The following MED13L variants were observed in gnomAD, a reference collection of about 807,000 sequenced individuals.
MED13L encodes the protein mediator of RNA polymerase II transcription subunit 13-like.
MED13L carries 7 observed loss-of-function variants against 220.9 expected under a neutral mutation model. That is an observed-to-expected ratio of 0.03 (90% confidence interval 0.02 to 0.06). MED13L has a LOEUF of 0.06. MED13L is among the 10% of genes least tolerant of loss of function. MED13L has a pLI of 1.00. For missense variants in MED13L, 1,965 were observed against 2,760.5 expected, an observed-to-expected ratio of 0.71 and a Z score of 6.46; for synonymous variants, 1,011 against 1,015.2, an observed-to-expected ratio of 1.00 and a Z score of 0.08.
intron 2 of MED13L, among the ~76,000 whole-genome samples, chr12:116,199,470 C>G (rs1419143912): frequency 6.6e-6 from 1 of 152,152 alleles, no homozygotes; most frequent in African/African-American, 2.4e-5. Flanking sequence ...TTTAGGAATA[C>G]TAAATTGTGT....
intron 17 of MED13L, among the ~76,000 whole-genome samples, chr12:115,989,293 T>C (rs1445191877): frequency 6.6e-6 from 1 of 152,156 alleles, no homozygotes; most frequent in Non-Finnish European, 1.5e-5. Context: ...GTTTAATCCT[T>C]ATCTTAAAAT....
chr12:116,079,609 G>A lies in MED13L; in HGVS notation c.479+17060C>T, dbSNP rs543654641. On this transcript the variant is annotated intron_variant, in intron 4 of 30. Transcript: ENST00000281928. ...GCTGGAGTACAGTGGCGTGATCACC[G>A]CTCATTGCAGCCTTGACCTCGTGGG... 1.5e-3 allele frequency among the ~76,000 whole-genome samples: 222 copies of A among 152,072 alleles called. 1 individual carries two copies. The highest frequency in any genetic ancestry group is 0.01 in the Middle Eastern group (3 of 294).
intron 2 of MED13L, among the ~76,000 whole-genome samples, chr12:116,212,756 C>T (rs1027516399): frequency 3.3e-5 from 5 of 152,102 alleles, no homozygotes; most frequent in Non-Finnish European, 7.4e-5. Context: ...TATAAAACAA[C>T]AGGCTTAAAA....
At chr12:116,119,824 A>T (rs1302190239) in intron 2 of MED13L, among the ~76,000 whole-genome samples, 49 of 110,556 alleles carry the variant, frequency 4.4e-4, no homozygotes, top group East Asian at 4.1e-3. Flanking sequence ...AAAAAAAAAA[A>T]AAAAAAAAAA....
intron 4 of MED13L, among the ~76,000 whole-genome samples, chr12:116,079,645 C>G (rs577146821): frequency 1.3e-5 from 2 of 152,062 alleles, no homozygotes; most frequent in African/African-American, 4.8e-5. Flanking sequence ...CTCAAGCGAT[C>G]CTCCTGCCTC....
At chr12:116,005,297 C>T (rs1878982201) in intron 13 of MED13L, among the ~76,000 whole-genome samples, 1 of 152,184 alleles carries the variant, frequency 6.6e-6, no homozygotes, top group Non-Finnish European at 1.5e-5. Flanking sequence ...TTTCCTGACT[C>T]TTAGTTCTGC....
At chr12:116,180,844 G>GT (rs1271986189) in intron 2 of MED13L, among the ~76,000 whole-genome samples, 6 of 151,854 alleles carry the variant, frequency 4.0e-5, no homozygotes. Flanking sequence ...AGTCAAAGTT[G>GT]TAACAGTTCT....
chr12:116,258,315 C>CA (rs1872221884), intron 1 of MED13L, among the ~76,000 whole-genome samples: 2 of 152,148 alleles, frequency 1.3e-5, no homozygotes, highest in Admixed American at 1.3e-4. Context: ...GACTCTACCT[C>CA]AAAAGGATCT....
chr12:116,083,860 G>C (rs1183792073), intron 4 of MED13L, among the ~76,000 whole-genome samples: 1 of 152,142 alleles, frequency 6.6e-6, no homozygotes, highest in Non-Finnish European at 1.5e-5. Context: ...CGTGTTCAAA[G>C]GAGTTACTCC....
At chr12:116,156,173 T>G (rs1314761102) in intron 2 of MED13L, among the ~76,000 whole-genome samples, 7 of 151,984 alleles carry the variant, frequency 4.6e-5, no homozygotes, top group Non-Finnish European at 1.0e-4. Flanking sequence ...TAGCAATATG[T>G]TAAGGTTCAA....
intron 4 of MED13L, among the ~76,000 whole-genome samples, chr12:116,031,720 GAAAAGAAAAGAAAAGAAAAGAAAAGA>G (rs1880796468): frequency 2.1e-4 from 13 of 62,224 alleles, no homozygotes; most frequent in East Asian, 9.5e-4. Flanking sequence ...GAAAAGAAAA[GAAAAGAAAAGAAAAGAAAAGAAAAGA>G]AAAGAAAAGA....
chr12:116,063,619 T>G (rs1209842957), intron 4 of MED13L, among the ~76,000 whole-genome samples: 1 of 152,202 alleles, frequency 6.6e-6, no homozygotes, highest in Non-Finnish European at 1.5e-5. Context: ...CAAAACTGAC[T>G]CTCACTGACC....
intron 4 of MED13L, among the ~76,000 whole-genome samples, chr12:116,064,702 T>A (rs1228014909): frequency 6.6e-6 from 1 of 152,148 alleles, no homozygotes; most frequent in African/African-American, 2.4e-5. Context: ...ACAAAGCAAC[T>A]AAACCTTCTA....
intron 2 of MED13L, among the ~76,000 whole-genome samples, chr12:116,215,367 C>T (rs779484700): frequency 2.0e-5 from 3 of 152,224 alleles, no homozygotes; most frequent in Non-Finnish European, 2.9e-5. Context: ...CCTTTGTCCA[C>T]TGTCTAAGGA....
intron 2 of MED13L, among the ~76,000 whole-genome samples, chr12:116,173,099 A>C (rs1413730015): frequency 6.6e-6 from 1 of 151,172 alleles, no homozygotes; most frequent in Non-Finnish European, 1.5e-5. Flanking sequence ...CACTAGAACA[A>C]CTCAGGAAAA....
rs763784895 is a variant in MED13L at position 115,982,366 on chromosome 12, A to C, written c.5175+18T>G. On this transcript the variant is annotated intron_variant, in intron 22 of 30. Coordinates refer to ENST00000281928, the MANE Select transcript of MED13L (RefSeq NM_015335.5). Reference sequence around the variant, plus strand: ...AATAACAACATCAAAAGTAAATAATAAACTTGCAAACAGTAACCTGGAGAA... The same window carrying C: ...AATAACAACATCAAAAGTAAATAATCAACTTGCAAACAGTAACCTGGAGAA... 10 of 1,586,582 alleles carry C rather than the reference A, an allele frequency of 6.3e-6. No individual in the cohort carries two copies. Among genetic ancestry groups the C allele is most frequent in the Non-Finnish European group, 8.7e-6 (10 of 1,155,016 alleles).
chr12:116,066,049 T>C (rs1869894799), intron 4 of MED13L, among the ~76,000 whole-genome samples: 1 of 152,186 alleles, frequency 6.6e-6, no homozygotes, highest in South Asian at 2.1e-4. Context: ...AGACTGTAAA[T>C]GCGTTTGTAA....
chr12:116,022,730 A>C, intron 4 of MED13L, 129 bp from the exon 5 acceptor site: 1 of 982,882 alleles, frequency 1.0e-6, no homozygotes, highest in Non-Finnish European at 1.5e-6. Context: ...AATTGTGGGC[A>C]AAAGAGAAAC....
intron 8 of MED13L, among the ~76,000 whole-genome samples, chr12:116,013,378 C>G (rs1026306467): frequency 6.6e-6 from 1 of 152,194 alleles, no homozygotes; most frequent in Non-Finnish European, 1.5e-5. Context: ...CCCTTGCTTA[C>G]TCAGGGTTCA....
Sources: allele counts gnomAD v4.1 joint callset (sites outside exome capture counted in the v4.1 genomes callset), GRCh38; gene constraint gnomAD v4.1.1; transcripts MANE v1.5; gene names NCBI Gene and HGNC (gene_info 2026-07-23, HGNC 2026-07-21).